ANKRD30BL: variants seen among roughly 807,000 people sequenced by gnomAD.
The protein encoded by ANKRD30BL is ankyrin repeat domain 30B like, also known as putative ankyrin repeat domain-containing protein 30B-like.
In ANKRD30BL, 20 loss-of-function variants were observed where a neutral mutation model predicts 18.4. That is an observed-to-expected ratio of 1.09 (90% CI 0.77 to 1.58). The LOEUF is 1.58. Ranked by LOEUF, ANKRD30BL falls within the 40% of genes most tolerant of loss-of-function variation. The pLI, the probability that ANKRD30BL is intolerant of heterozygous loss-of-function variation, is 0.00. For missense variants in ANKRD30BL, 224 were observed against 268.6 expected, an observed-to-expected ratio of 0.83 and a Z score of 1.16; for synonymous variants, 72 against 100.9, an observed-to-expected ratio of 0.71 and a Z score of 1.72.
intron 1 of ANKRD30BL, among the ~76,000 whole-genome samples, chr2:132,181,163 A>T (rs930011440): frequency 1.5e-4 from 22 of 150,232 alleles, no homozygotes; most frequent in African/African-American, 4.8e-4. Context: ...AAAAAGAATT[A>T]AAAAAATATT....
intron 4 of ANKRD30BL, chr2:132,153,678 C>G (rs529950030): frequency 7.9e-7 from 1 of 1,265,038 alleles, no homozygotes; most frequent in African/African-American, 1.5e-5. Context: ...TGACATATGG[C>G]AAGCATGAGG....
chr2:132,222,832 T>TA (rs71001178), intron 1 of ANKRD30BL, among the ~76,000 whole-genome samples: 20,434 of 52,194 alleles, frequency 0.39, 7,281 homozygotes, highest in South Asian at 0.58. Flanking sequence ...GAATGATCAA[T>TA]AAAAAAAAAA....
chr2:132,187,775 T>C (rs1472936566), intron 1 of ANKRD30BL, among the ~76,000 whole-genome samples: 2 of 151,608 alleles, frequency 1.3e-5, no homozygotes, highest in Non-Finnish European at 2.9e-5. Flanking sequence ...TTTTTTTTTT[T>C]GAGATGGAGT....
chr2:132,148,556 G>A (rs1466906073), intron 5 of ANKRD30BL, among the ~76,000 whole-genome samples: 1 of 151,524 alleles, frequency 6.6e-6, no homozygotes, highest in African/African-American at 2.4e-5. Flanking sequence ...ATTTAGTAGA[G>A]ATGGGATTTC....
chr2:132,184,960 A>T (rs796520418), intron 1 of ANKRD30BL, among the ~76,000 whole-genome samples: 1 of 151,996 alleles, frequency 6.6e-6, no homozygotes, highest in Non-Finnish European at 1.5e-5. Context: ...CTACAGGTGC[A>T]TGCCACCATG....
intron 1 of ANKRD30BL, among the ~76,000 whole-genome samples, chr2:132,200,623 C>T (rs995928166): frequency 9.9e-5 from 15 of 152,036 alleles, no homozygotes; most frequent in Non-Finnish European, 2.1e-4. Flanking sequence ...AACTACAAAC[C>T]ACTGCTCAAG....
chr2:132,151,640 T>C (rs576784519), intron 4 of ANKRD30BL, among the ~76,000 whole-genome samples: 57 of 152,146 alleles, frequency 3.7e-4, no homozygotes, highest in African/African-American at 1.3e-3. Context: ...AAAAATGTTT[T>C]TCTTCATAGG....
At chr2:132,203,566 G>A (rs568754258) in intron 1 of ANKRD30BL, among the ~76,000 whole-genome samples, 9 of 152,248 alleles carry the variant, frequency 5.9e-5, no homozygotes, top group Non-Finnish European at 1.3e-4. Context: ...TGAATGCTAT[G>A]TGATTGCTTT....
intron 5 of ANKRD30BL, among the ~76,000 whole-genome samples, chr2:132,149,645 T>A (rs1687703801): frequency 1.3e-5 from 2 of 152,192 alleles, no homozygotes; most frequent in Admixed American, 6.5e-5. Context: ...AGTTACTTTT[T>A]TAGTGACAAA....
At chr2:132,222,645 A>C (rs7570530) in intron 1 of ANKRD30BL, among the ~76,000 whole-genome samples, 1 of 151,640 alleles carries the variant, frequency 6.6e-6, no homozygotes, top group African/African-American at 2.4e-5. Flanking sequence ...CAGCATGCTC[A>C]TTAAGAGTCA....
chr2:132,200,112 C>G (rs1679065284), intron 1 of ANKRD30BL, among the ~76,000 whole-genome samples: 1 of 151,998 alleles, frequency 6.6e-6, no homozygotes, highest in Non-Finnish European at 1.5e-5. Context: ...GCTAAAAACT[C>G]TCAATAAATT....
intron 1 of ANKRD30BL, among the ~76,000 whole-genome samples, chr2:132,226,449 C>G (rs1405579671): frequency 3.4e-5 from 5 of 148,322 alleles, no homozygotes; most frequent in Non-Finnish European, 5.9e-5. Context: ...GAGCAGTTTA[C>G]AGACACTCTT....
chr2:132,220,329 C>T (rs1335632938), intron 1 of ANKRD30BL, among the ~76,000 whole-genome samples: 3 of 94,534 alleles, frequency 3.2e-5, no homozygotes, highest in African/African-American at 1.5e-4. Flanking sequence ...TCTCCCTGTC[C>T]CTCTCCCTCT....
At chr2:132,173,595 A>G (rs1249492717) in intron 1 of ANKRD30BL, among the ~76,000 whole-genome samples, 1 of 151,928 alleles carries the variant, frequency 6.6e-6, no homozygotes, top group African/African-American at 2.4e-5. Flanking sequence ...CTCCTGGCCC[A>G]GTTTTGCTTC....
At chr2:132,180,807 C>T (rs1490931961) in intron 1 of ANKRD30BL, among the ~76,000 whole-genome samples, 1 of 152,076 alleles carries the variant, frequency 6.6e-6, no homozygotes, top group Non-Finnish European at 1.5e-5. Flanking sequence ...TAACAAAATT[C>T]AAAAATCTTT....
At chr2:132,168,241 G>T (rs185044769) in intron 1 of ANKRD30BL, among the ~76,000 whole-genome samples, 1,722 of 152,122 alleles carry the variant, frequency 0.011, 26 homozygotes, top group African/African-American at 0.038. Flanking sequence ...ATACTTATTT[G>T]CCATTTTTAT....
At chr2:132,158,558 G>A (rs1687973342) in intron 1 of ANKRD30BL, among the ~76,000 whole-genome samples, 2 of 151,614 alleles carry the variant, frequency 1.3e-5, no homozygotes, top group Admixed American at 6.6e-5. Flanking sequence ...CTTTGCTAAG[G>A]CTGAGCAGGT....
intron 1 of ANKRD30BL, chr2:132,257,027 C>A (rs572139132): frequency 1.9e-6 from 1 of 516,296 alleles, no homozygotes; most frequent in East Asian, 5.5e-5. Flanking sequence ...CCGCCACAGA[C>A]AGGAGGGAGG....
chr2:132,158,012 A>G (rs957844767), intron 1 of ANKRD30BL, among the ~76,000 whole-genome samples: 4 of 152,166 alleles, frequency 2.6e-5, no homozygotes, highest in Admixed American at 2.0e-4. Flanking sequence ...AATGCCGCTT[A>G]TAAGTCATTA....
Sources: allele counts gnomAD v4.1 joint callset (sites outside exome capture counted in the v4.1 genomes callset), GRCh38; gene constraint gnomAD v4.1.1; transcripts MANE v1.5; gene names NCBI Gene and HGNC (gene_info 2026-07-23, HGNC 2026-07-21).